The following CCDC47 variants were observed in gnomAD, a reference collection of about 807,000 sequenced individuals.
CCDC47 encodes the protein coiled-coil domain containing 47, also known as PAT complex subunit CCDC47.
CCDC47 carries 41 observed loss-of-function variants against 60.5 expected under a neutral mutation model. The ratio of observed to expected loss-of-function variants is 0.68; its 90% confidence interval spans 0.53 to 0.88. CCDC47 has a LOEUF of 0.88. Ranked by LOEUF, CCDC47 falls within the 40% of genes least tolerant of loss-of-function variation. The probability of loss-of-function intolerance (pLI) is 0.00; values close to 1 mark genes in which losing one functional copy is unlikely to be tolerated. For synonymous variants in CCDC47, 195 were observed against 190.7 expected, an observed-to-expected ratio of 1.02 and a Z score of -0.18; for missense variants, 513 against 580.9, an observed-to-expected ratio of 0.88 and a Z score of 1.20.
At chr17:63,756,388 T>A (rs369941813) in intron 7 of CCDC47, 38 bp from the exon 8 acceptor site, 177 of 1,592,040 alleles carry the variant, frequency 1.1e-4, no homozygotes, top group Non-Finnish European at 1.5e-4. Context: ...ATATGACCTT[T>A]TATTATGCAA....
intron 1 of CCDC47, among the ~76,000 whole-genome samples, chr17:63,769,624 A>AAAAAG (rs570225649): frequency 1.3e-4 from 20 of 151,428 alleles, no homozygotes; most frequent in African/African-American, 3.9e-4. Context: ...AAAAAAAAAA[A>AAAAAG]AAAAGAAAAG....
intron 1 of CCDC47, among the ~76,000 whole-genome samples, chr17:63,767,686 A>T (rs1485275452): frequency 6.6e-6 from 1 of 152,116 alleles, no homozygotes; most frequent in Non-Finnish European, 1.5e-5. Flanking sequence ...TGGGGTACAT[A>T]CTGGTCTCTG....
chr17:63,758,853 G>T (rs969355986), intron 6 of CCDC47, among the ~76,000 whole-genome samples: 1 of 152,116 alleles, frequency 6.6e-6, no homozygotes, highest in East Asian at 1.9e-4. Flanking sequence ...TCATTGATGG[G>T]AAATTACACA....
At chr17:63,770,757 G>C (rs183075227) in intron 1 of CCDC47, among the ~76,000 whole-genome samples, 1 of 151,752 alleles carries the variant, frequency 6.6e-6, no homozygotes, top group African/African-American at 2.4e-5. Flanking sequence ...AGGCCAATAC[G>C]GGCAGATCAG....
At chr17:63,769,587 T>C (rs1598312830) in intron 1 of CCDC47, among the ~76,000 whole-genome samples, 1 of 131,198 alleles carries the variant, frequency 7.6e-6, no homozygotes, top group African/African-American at 2.9e-5. Flanking sequence ...CAGTCCAGCC[T>C]GGGCAACAAG....
intron 2 of CCDC47, 94 bp downstream of exon 2, chr17:63,765,818 C>G (rs2039293512): frequency 2.1e-6 from 3 of 1,408,928 alleles, no homozygotes; most frequent in Non-Finnish European, 2.9e-6. Flanking sequence ...AGACTCCAGA[C>G]AGTAAAGGTC....
At position 63,752,756 on chromosome 17, in the gene CCDC47, A is replaced by G; in HGVS notation, c.1078T>C (p.Leu360=). The G allele has an allele frequency of 6.2e-7, 1 of 1,612,626 alleles. No individual in the cohort carries two copies. ...GAATACTTACCATTAAATGTAAACA[A>G]CAGTGTCCTCTTAGTGTCAGGTAGC... ...LKLPDTKRTL[L]FTFNVPGSGN... Residue 360 remains leucine, a synonymous_variant, in exon 10 of 13, where the codon TTG becomes CTG. Coordinates refer to ENST00000225726, the MANE Select transcript of CCDC47 (RefSeq NM_020198.3).
chr17:63,751,365 C>CAAAAAAAAAAAAA lies in CCDC47; in HGVS notation c.1371+562_1371+574dup, dbSNP rs59161342. Among the ~76,000 whole-genome samples, 90 of 29,514 alleles carry CAAAAAAAAAAAAA rather than the reference C, an allele frequency of 3.0e-3. 21 individuals are homozygous for CAAAAAAAAAAAAA. The highest frequency in any genetic ancestry group is 0.015 in the East Asian group (7 of 470). The allele number at this position is 29,514 out of a possible 152,430, so 19.4% of individuals were successfully genotyped here. On this transcript the variant is annotated intron_variant, in intron 12 of 12. Transcript: ENST00000225726. Reference sequence around the variant, plus strand: ...TGGGTGACAGAGTGAGACTCCATCTCAAAAAAAAAAAAAAAAAAAAAAAAA... The same window carrying CAAAAAAAAAAAAA: ...TGGGTGACAGAGTGAGACTCCATCTCAAAAAAAAAAAAAAAAAAAAAAAAAAAAAAAAAAAAAA...
intron 1 of CCDC47, among the ~76,000 whole-genome samples, chr17:63,772,576 A>T (rs1379336258): frequency 6.6e-6 from 1 of 151,512 alleles, no homozygotes; most frequent in African/African-American, 2.4e-5. Flanking sequence ...CTACTCTTAA[A>T]ACTTTTTTTT....
At chr17:63,748,675 T>C (rs958693426) in intron 12 of CCDC47, among the ~76,000 whole-genome samples, 2 of 152,124 alleles carry the variant, frequency 1.3e-5, no homozygotes, top group Admixed American at 6.6e-5. Flanking sequence ...ATAAGAAATA[T>C]TGGCCGGGCG....
chr17:63,768,509 G>A (rs762163618), intron 1 of CCDC47, among the ~76,000 whole-genome samples: 88 of 151,804 alleles, frequency 5.8e-4, no homozygotes, highest in Non-Finnish European at 1.1e-3. Context: ...GCAACATGGC[G>A]AAAACCCACC....
chr17:63,754,578 C>T, intron 8 of CCDC47, 60 bp from the exon 9 acceptor site: 1 of 1,104,270 alleles, frequency 9.1e-7, no homozygotes, highest in Non-Finnish European at 1.3e-6. Flanking sequence ...CCTTTTTTTC[C>T]TAAAGATATT....
Position 63,746,931 on chromosome 17 carries a change from ACTT to A in CCDC47, c.1399_1401del (p.Lys467del). ...TTCATTTTCATTTGCTTCTTTTCCA[ACTT>A]CTTTTGCTCACGCCTCAATGCAGCC... On this transcript the variant is annotated inframe_deletion, in exon 13 of 13. Transcript: ENST00000225726. 2 of 1,613,690 alleles carry A rather than the reference ACTT, an allele frequency of 1.2e-6. No individual in the cohort carries two copies. Among genetic ancestry groups the A allele is most frequent in the East Asian group, 4.5e-5 (2 of 44,858 alleles).
chr17:63,752,459 G>T, intron 10 of CCDC47, 30 bp from the exon 11 acceptor site: 2 of 1,384,840 alleles, frequency 1.4e-6, no homozygotes, highest in African/African-American at 1.4e-5. Context: ...TTCCTACTGA[G>T]TTAATGGTAG....
At chr17:63,757,807 G>C (rs902535200) in intron 6 of CCDC47, among the ~76,000 whole-genome samples, 6 of 152,168 alleles carry the variant, frequency 3.9e-5, no homozygotes, top group African/African-American at 1.2e-4. Flanking sequence ...AGTATCTTTT[G>C]TTACTTATAC....
Position 63,762,076 on chromosome 17 carries a change from A to G in CCDC47, c.548-725T>C, listed in dbSNP as rs2039265735. On this transcript the variant is annotated intron_variant, in intron 4 of 12. Transcript: ENST00000225726. The stretch of plus-strand genomic sequence containing the variant: ...GTCTCCTATGAATTAACTTTAACCA[A>G]GCTTTCTTTTCCAATGCAAAATGAT... 9 of 983,948 alleles carry G rather than the reference A, an allele frequency of 9.1e-6. No individual in the cohort carries two copies. The South Asian group carries it at 3.8e-4, about 41-fold the overall frequency. The allele number at this position is 983,948 out of a possible 1,614,324, so 61.0% of individuals were successfully genotyped here. A position where few individuals can be genotyped will look rare whatever the true frequency, so the allele number is the denominator to read the frequency against.
intron 1 of CCDC47, among the ~76,000 whole-genome samples, chr17:63,771,060 G>T (rs192159833): frequency 1.1e-4 from 16 of 149,394 alleles, no homozygotes; most frequent in Admixed American, 1.0e-3. Context: ...AAGAAAGAAA[G>T]AAATTAAATG....
Position 63,746,111 on chromosome 17 carries a change from T to G in CCDC47, c.*770A>C, listed in dbSNP as rs2144461481. 1 of 152,324 alleles carries G rather than the reference T, an allele frequency of 6.6e-6. No individual in the cohort carries two copies. Among genetic ancestry groups the G allele is most frequent in the Non-Finnish European group, 1.5e-5 (1 of 68,026 alleles). The allele number at this position is 152,324 out of a possible 1,614,324, so 9.4% of individuals were successfully genotyped here. A position where few individuals can be genotyped will look rare whatever the true frequency, so the allele number is the denominator to read the frequency against. ...CAATGATCTTACCTAGGTGAAGCAT[T>G]AATTTTTCATGCATTTGTTACTCAA... On this transcript the variant is annotated 3_prime_UTR_variant, in exon 13 of 13. Transcript: ENST00000225726.
intron 9 of CCDC47, among the ~76,000 whole-genome samples, chr17:63,753,895 C>T (rs2039185243): frequency 6.6e-6 from 1 of 152,074 alleles, no homozygotes; most frequent in African/African-American, 2.4e-5. Context: ...ATCACGAGGT[C>T]AGGAGTTCGA....
Sources: allele counts gnomAD v4.1 joint callset (sites outside exome capture counted in the v4.1 genomes callset), GRCh38; gene constraint gnomAD v4.1.1; transcripts MANE v1.5; gene names NCBI Gene and HGNC (gene_info 2026-07-23, HGNC 2026-07-21).